The following RBSN variants were observed in gnomAD, a reference collection of about 807,000 sequenced individuals.
The protein encoded by RBSN is rabenosyn, RAB effector, also known as rabenosyn-5.
In RBSN, 34 loss-of-function variants were observed where a neutral mutation model predicts 60.5. The observed-to-expected ratio is 0.56, with a 90% CI of 0.43 to 0.75. The LOEUF (loss-of-function observed/expected upper bound fraction) is 0.75, where lower values mean the gene tolerates loss of function less well. Among genes scored for constraint, RBSN ranks in the 30% least tolerant of loss-of-function variants. The pLI is 0.00. For synonymous variants in RBSN, 322 were observed against 366.9 expected (o/e 0.88, Z 1.40); for missense variants, 845 against 986.8 (o/e 0.86, Z 1.92).
chr3:15,089,006 G>C (rs2043422188), intron 5 of RBSN, among the ~76,000 whole-genome samples: 1 of 151,894 alleles, frequency 6.6e-6, no homozygotes, highest in Non-Finnish European at 1.5e-5. Flanking sequence ...ATCCATAAAT[G>C]GGAAAAAGGA....
At position 15,078,813 on chromosome 3, in the gene RBSN, T is replaced by C. The variant is rs1412487223; in HGVS notation, c.912-652A>G. Among the ~76,000 whole-genome samples, 20 of 130,474 alleles carry C rather than the reference T, an allele frequency of 1.5e-4. 1 individual carries two copies. Among genetic ancestry groups the C allele is most frequent in the African/African-American group, 5.9e-4 (20 of 33,682 alleles). 85.6% of individuals were successfully genotyped at this position (130,474 alleles called of 152,430 possible). The stretch of plus-strand genomic sequence containing the variant: ...ATATATATATATATATATATATATA[T>C]ATATATATATACATGGTTTTGTTTT... On this transcript the variant is annotated intron_variant, in intron 10 of 13. Transcript: ENST00000253699.
At position 15,082,708 on chromosome 3, in the gene RBSN, G is replaced by A. The variant is rs563220382; in HGVS notation, c.599-100C>T. 9 of 1,486,634 alleles carry A rather than the reference G, an allele frequency of 6.1e-6. No homozygotes were observed. Among genetic ancestry groups the A allele is most frequent in the East Asian group, 2.5e-5 (1 of 40,672 alleles). 92.1% of individuals were successfully genotyped at this position (1,486,634 alleles called of 1,614,324 possible). ...AGTCCACAGGTGTTTGATTTGGAGA[G>A]TAATAAGATCAGGCTCCAGCTGTGG... On this transcript the variant is annotated intron_variant, in intron 8 of 13. Transcript: ENST00000253699. The surrounding 1 kb of genome is among the most constrained non-coding windows in gnomAD (Gnocchi z 4.2).
At chr3:15,079,659 T>G (rs1165461776) in intron 10 of RBSN, among the ~76,000 whole-genome samples, 1 of 152,188 alleles carries the variant, frequency 6.6e-6, no homozygotes, top group Admixed American at 6.5e-5. Flanking sequence ...AACAGTACAC[T>G]GTGTGAAAGA....
chr3:15,085,915 A>G lies in RBSN; in HGVS notation c.336T>C (p.Ala112=). The change falls in exon 6 of 14, where the codon GCT becomes GCC. Residue 112 remains alanine, a synonymous_variant. Coordinates refer to ENST00000253699, the MANE Select transcript of RBSN (RefSeq NM_022340.4). ...HLSDFKKHRA[A]RIDHYVVEVN... is the part of the protein sequence containing the mutation. ...CTTCCACAACATAGTGGTCAATTCT[A>G]GCAGCTCGGTGTTTTTTGAAGTCGG... is the stretch of plus-strand genomic sequence containing the variant. The G allele has an allele frequency of 6.2e-7, 1 of 1,614,110 alleles. No individual in the cohort carries two copies. The highest frequency in any genetic ancestry group is 8.5e-7 in the Non-Finnish European group (1 of 1,180,004).
At position 15,079,943 on chromosome 3, in the gene RBSN, T is replaced by A. The variant is rs574499023; in HGVS notation, c.911+789A>T. Among the ~76,000 whole-genome samples, 5 of 152,222 alleles carry A rather than the reference T, an allele frequency of 3.3e-5. No individual in the cohort carries two copies. In the South Asian group the frequency reaches 1.0e-3, roughly 32 times the overall value. On this transcript the variant is annotated intron_variant, in intron 10 of 13. Transcript: ENST00000253699. ...AGGGTGTGTGAACTACATCTCAATT[T>A]TAAAAAAGAAGCAGATGTTGGCCAG... is the stretch of plus-strand genomic sequence containing the variant.
intron 8 of RBSN, among the ~76,000 whole-genome samples, chr3:15,083,477 A>C (rs2043258919): frequency 6.6e-6 from 1 of 152,190 alleles, no homozygotes; most frequent in African/African-American, 2.4e-5. Context: ...GCTTGGTTGC[A>C]AAGTCCTGGA....
rs913726976 is a variant in RBSN, at chr3:15,082,738, G to A, written c.599-130C>T. On this transcript the variant is annotated intron_variant, in intron 8 of 13. Coordinates refer to ENST00000253699, the MANE Select transcript of RBSN (RefSeq NM_022340.4). This position sits in a 1 kb window ranked among gnomAD's most constrained non-coding sequence, Gnocchi z 4.2. Reference sequence around the variant, plus strand: ...AAGATCAGGCTCCAGCTGTGGGCACGTACTGCCCCTCTGCCTTCCTGGTGT... The same window carrying A: ...AAGATCAGGCTCCAGCTGTGGGCACATACTGCCCCTCTGCCTTCCTGGTGT... 5 of 1,307,376 alleles carry A rather than the reference G, an allele frequency of 3.8e-6. No homozygotes were observed. The highest frequency in any genetic ancestry group is 2.9e-5 in the African/African-American group (2 of 67,902). 81.0% of individuals were successfully genotyped at this position (1,307,376 alleles called of 1,614,324 possible).
rs868759344 is a variant in RBSN at position 15,082,466 on chromosome 3, G to A, written c.741C>T (p.Asp247=). 1 of 1,614,142 alleles carries A rather than the reference G, an allele frequency of 6.2e-7. No homozygotes were observed. The highest frequency in any genetic ancestry group is 2.2e-5 in the East Asian group (1 of 44,892). Residue 247 remains aspartate (D), a synonymous_variant, in exon 9 of 14, where the codon GAC becomes GAT. Transcript: ENST00000253699. This position sits in a 1 kb window ranked among gnomAD's most constrained non-coding sequence, Gnocchi z 4.2. ...TGCAGTGTGTACAGCAGCGGATCCGGTCATCGTCCTTCTCATCCAGGACCG... is the reference window on the plus strand; with the variant it reads ...TGCAGTGTGTACAGCAGCGGATCCGATCATCGTCCTTCTCATCCAGGACCG... ...VSSVLDEKDD[D]RIRCCTHCKD...
In RBSN at chr3:15,080,556, G is replaced by A. The variant is rs190779025; in HGVS notation, c.911+176C>T. On this transcript the variant is annotated intron_variant, in intron 10 of 13. Coordinates refer to ENST00000253699, the MANE Select transcript of RBSN (RefSeq NM_022340.4). ...GTAGCCTGTACCCCACTAAAAGACA[G>A]ACATGAAGATGATTCTCTTCATAAT... Among the ~76,000 whole-genome samples, 304 of 152,248 alleles carry A rather than the reference G, an allele frequency of 2.0e-3. 1 individual carries two copies. The highest frequency in any genetic ancestry group is 1.9e-3 in the Non-Finnish European group (130 of 68,018).
At chr3:15,092,427 CAG>C (rs58026309) in intron 4 of RBSN, among the ~76,000 whole-genome samples, 4,327 of 151,776 alleles carry the variant, frequency 0.029, 208 homozygotes, top group African/African-American at 0.098. Flanking sequence ...TTTTTTGAGA[CAG>C]AGTTTCACTC....
intron 8 of RBSN, among the ~76,000 whole-genome samples, chr3:15,083,074 C>A (rs1313924540): frequency 6.6e-6 from 1 of 152,110 alleles, no homozygotes; most frequent in Admixed American, 6.5e-5. Flanking sequence ...GCATGTACAC[C>A]CCAGAGCTGC....
rs113977296 is a variant in RBSN, at chr3:15,074,957, G to A, written c.1207-27C>T. On this transcript the variant is annotated intron_variant, in intron 13 of 13. Transcript: ENST00000253699. The surrounding 1 kb of genome is among the most constrained non-coding windows in gnomAD (Gnocchi z 6.4). Reference sequence around the variant, plus strand: ...TGGGGAGAGAGCAAAGCAGAGAGAAGAAACAGTCACTATGCTGGCAGCAGC... The same window carrying A: ...TGGGGAGAGAGCAAAGCAGAGAGAAAAAACAGTCACTATGCTGGCAGCAGC... 1 of 1,578,770 alleles carries A rather than the reference G, an allele frequency of 6.3e-7. No individual in the cohort carries two copies. Among genetic ancestry groups the A allele is most frequent in the Non-Finnish European group, 8.6e-7 (1 of 1,165,168 alleles).
chr3:15,092,305 C>G (rs2043537357), intron 4 of RBSN, among the ~76,000 whole-genome samples: 1 of 151,716 alleles, frequency 6.6e-6, no homozygotes, highest in African/African-American at 2.4e-5. Context: ...AAGCAAACTT[C>G]CTGATTATTG....
chr3:15,074,536 C>G lies in RBSN; in HGVS notation c.1601G>C (p.Arg534Thr), dbSNP rs1413122324. 2 of 1,614,122 alleles carry G rather than the reference C, an allele frequency of 1.2e-6. No homozygotes were observed. The highest frequency in any genetic ancestry group is 1.7e-6 in the Non-Finnish European group (2 of 1,180,058). The change falls in exon 14 of 14, where the codon AGG becomes ACG. Residue 534 changes from arginine to threonine, a missense_variant. By Grantham distance (71) the Arg-to-Thr change is moderately conservative. Transcript: ENST00000253699. This position sits in a 1 kb window ranked among gnomAD's most constrained non-coding sequence, Gnocchi z 6.4. ...CAGGGATGCCACCCGAAACTGCTCC[C>G]TTTCTCGTTCCAACTCCCGTTCACG... is the stretch of plus-strand genomic sequence containing the variant. ...MLRERELERE[R>T]EQFRVASLHT...
At chr3:15,079,913 AG>A (rs2043160886) in intron 10 of RBSN, among the ~76,000 whole-genome samples, 1 of 152,174 alleles carries the variant, frequency 6.6e-6, no homozygotes, top group South Asian at 2.1e-4. Flanking sequence ...AAAAGGGTAA[AG>A]GTTAGGGTGT....
In RBSN at chr3:15,089,613, CT is replaced by C. The variant is rs570035685; in HGVS notation, c.289+785del. The stretch of plus-strand genomic sequence containing the variant: ...TCAGTGGTTTTTAGGATTTTCTTTT[CT>C]TTTTTTTTTTTCTTGAGACAGAGTC... On this transcript the variant is annotated intron_variant, in intron 5 of 13. Coordinates refer to ENST00000253699, the MANE Select transcript of RBSN (RefSeq NM_022340.4). Among the ~76,000 whole-genome samples, 123 of 143,838 alleles carry C rather than the reference CT, an allele frequency of 8.6e-4. 1 individual carries two copies. The South Asian group carries it at 0.015, about 17-fold the overall frequency. The allele number at this position is 143,838 out of a possible 152,430, so 94.4% of individuals were successfully genotyped here. A position where few individuals can be genotyped will look rare whatever the true frequency, so the allele number is the denominator to read the frequency against.
At chr3:15,095,012 G>A (rs2043613595) in intron 4 of RBSN, among the ~76,000 whole-genome samples, 1 of 149,162 alleles carries the variant, frequency 6.7e-6, no homozygotes, top group African/African-American at 2.5e-5. Context: ...AGCATCTTTG[G>A]CGTGTGTGTG....
intron 5 of RBSN, among the ~76,000 whole-genome samples, chr3:15,088,030 TA>T (rs1484750365): frequency 1.3e-5 from 2 of 152,192 alleles, no homozygotes; most frequent in East Asian, 3.8e-4. Flanking sequence ...TATTAACTGC[TA>T]AAATTTGCCA....
intron 4 of RBSN, chr3:15,091,586 A>G: frequency 1.1e-6 from 1 of 942,772 alleles, no homozygotes; most frequent in South Asian, 1.7e-5. Flanking sequence ...TACAACGCAA[A>G]GTGCTTGCAA....
Sources: gnomAD v4.1 joint callset for allele counts (sites outside exome capture counted in the v4.1 genomes callset) on GRCh38, gnomAD v4.1.1 for gene constraint, Gnocchi (gnomAD v3.1) non-coding constraint, MANE v1.5 for transcripts, NCBI Gene and HGNC (gene_info 2026-07-23, HGNC 2026-07-21) for gene names.